The following DSC1 variants were observed in gnomAD, a reference collection of about 807,000 sequenced individuals.
DSC1 encodes the protein desmocollin 1, also known as desmocollin-1.
A neutral mutation model predicts 98.8 loss-of-function variants in DSC1; 79 were observed. The ratio of observed to expected loss-of-function variants is 0.80; its 90% CI spans 0.67 to 0.96. The LOEUF (loss-of-function observed/expected upper bound fraction) is 0.96, where lower values mean the gene tolerates loss of function less well. Among genes scored for constraint, DSC1 ranks in the 50% least tolerant of loss-of-function variants. The probability of loss-of-function intolerance (pLI) is 0.00; values close to 1 mark genes in which losing one functional copy is unlikely to be tolerated. For missense variants in DSC1, 1,115 were observed against 1,075.9 expected (o/e 1.04, Z -0.51); for synonymous variants, 405 against 372.1 (o/e 1.09, Z -1.02).
intron 8 of DSC1, 94 bp from the exon 9 acceptor site, chr18:31,142,278 G>A (rs1988754811): frequency 7.3e-7 from 1 of 1,374,706 alleles, no homozygotes; most frequent in Non-Finnish European, 9.8e-7. Flanking sequence ...AATAAATAAA[G>A]TGATGTGAAA....
At chr18:31,151,989 C>T (rs1157409500) in intron 5 of DSC1, among the ~76,000 whole-genome samples, 1 of 152,070 alleles carries the variant, frequency 6.6e-6, no homozygotes, top group Non-Finnish European at 1.5e-5. Flanking sequence ...TGGTGGAACC[C>T]TGTCTCTACG....
Position 31,151,228 on chromosome 18 carries a change from G to A in DSC1, c.628-2586C>T, listed in dbSNP as rs75956708. ...TTATTTCACATTCCGCTGACTCAGA[G>A]TTGGTGATTTTACTTCAGGTAGTAT... On this transcript the variant is annotated intron_variant, in intron 5 of 15. Coordinates refer to ENST00000257198, the MANE Select transcript of DSC1 (RefSeq NM_024421.2). Among the ~76,000 whole-genome samples the A allele has an allele frequency of 1.2e-4, 18 of 152,308 alleles. No individual in the cohort carries two copies. The East Asian group carries it at 3.5e-3, about 29-fold the overall frequency.
At chr18:31,134,525 C>T (rs375131780) in intron 12 of DSC1, 47 bp downstream of exon 12, 16 of 1,410,744 alleles carry the variant, frequency 1.1e-5, no homozygotes, top group Non-Finnish European at 1.6e-5. Flanking sequence ...AGAACCATCA[C>T]CAATCTGAAG....
intron 6 of DSC1, among the ~76,000 whole-genome samples, chr18:31,148,248 TAAAAGGGA>T (rs1368237629): frequency 1.3e-5 from 2 of 152,064 alleles, no homozygotes. Flanking sequence ...AATCATGATA[TAAAAGGGA>T]AAAATGTATA....
Position 31,140,302 on chromosome 18 carries a change from C to T in DSC1, c.1261-1G>A, listed in dbSNP as rs1464483138. ...GGCGATTGACTTCATAGTTCAATGG[C>T]TGTTAAATAAGCATACTTTAATAAG... On this transcript the variant is annotated splice_acceptor_variant, in intron 9 of 15. Transcript: ENST00000257198. LOFTEE classifies it high-confidence loss of function. The T allele has an allele frequency of 1.9e-6, 3 of 1,613,398 alleles. No homozygotes were observed.
At chr18:31,158,043 A>T (rs531403054) in intron 2 of DSC1, among the ~76,000 whole-genome samples, 1 of 152,108 alleles carries the variant, frequency 6.6e-6, no homozygotes, top group Non-Finnish European at 1.5e-5. Context: ...CCGAGGTGGG[A>T]GGATCACAAG....
intron 7 of DSC1, among the ~76,000 whole-genome samples, chr18:31,144,936 C>CTTTTTTTTTTTTTTT (rs200787420): frequency 1.0e-5 from 1 of 95,310 alleles, no homozygotes; most frequent in Non-Finnish European, 1.9e-5. Context: ...TTTTCTTTTT[C>CTTTTTTTTTTTTTTT]TTTCTTTTTT....
intron 6 of DSC1, among the ~76,000 whole-genome samples, 169 bp from the exon 7 acceptor site, chr18:31,145,946 C>G (rs1043723973): frequency 6.6e-6 from 1 of 152,184 alleles, no homozygotes; most frequent in Non-Finnish European, 1.5e-5. Flanking sequence ...CCAAGCCTCC[C>G]TTACTCGGGA....
Position 31,130,625 on chromosome 18 carries a change from C to T in DSC1, c.2574G>A (p.Leu858=). The T allele has an allele frequency of 6.2e-7, 1 of 1,614,152 alleles. No homozygotes were observed. The highest frequency in any genetic ancestry group is 8.5e-7 in the Non-Finnish European group (1 of 1,180,036). The change falls in exon 16 of 16, where the codon CTG becomes CTA. Residue 858 remains leucine (L), a synonymous_variant. Transcript: ENST00000257198. ...CSYNYEGKGS[L]AGSVGCCSDR... The stretch of plus-strand genomic sequence containing the variant: ...CGCTGCAGCAACCTACTGAGCCGGC[C>T]AGAGAACCTTTGCCTTCATAGTTAT...
chr18:31,157,696 G>A, intron 2 of DSC1, 123 bp from the exon 3 acceptor site: 1 of 940,570 alleles, frequency 1.1e-6, no homozygotes. Context: ...TTTGGAATGT[G>A]CTCAGCACCT....
At chr18:31,161,327 AGCATGACTGTATATGT>A (rs1055729949) in intron 1 of DSC1, among the ~76,000 whole-genome samples, 1 of 152,000 alleles carries the variant, frequency 6.6e-6, no homozygotes, top group Non-Finnish European at 1.5e-5. Flanking sequence ...TGTTTTGCAG[AGCATGACTGTATATGT>A]GCGTGTGTGT....
intron 7 of DSC1, among the ~76,000 whole-genome samples, chr18:31,144,707 G>A (rs1032798363): frequency 2.6e-5 from 4 of 152,138 alleles, no homozygotes; most frequent in African/African-American, 9.7e-5. Flanking sequence ...AATGATGAAT[G>A]TGTGTCTTTA....
At chr18:31,145,155 G>T (rs1004028412) in intron 7 of DSC1, among the ~76,000 whole-genome samples, 2 of 151,820 alleles carry the variant, frequency 1.3e-5, no homozygotes, top group Admixed American at 1.3e-4. Context: ...TGTTAGCCAG[G>T]ATGGTCTCCA....
At chr18:31,159,410 G>A in intron 2 of DSC1, 35 bp downstream of exon 2, 1 of 1,595,946 alleles carries the variant, frequency 6.3e-7, no homozygotes, top group Non-Finnish European at 8.6e-7. Flanking sequence ...AATGTGACAA[G>A]TTACAGCTAT....
intron 6 of DSC1, among the ~76,000 whole-genome samples, chr18:31,147,757 C>T (rs1988876451): frequency 6.6e-6 from 1 of 152,026 alleles, no homozygotes; most frequent in African/African-American, 2.4e-5. Context: ...TAAACTGGTA[C>T]TACACATACA....
rs770954271 is a variant in DSC1 at position 31,131,675 on chromosome 18, G to C, written c.2406C>G (p.Ser802=). The C allele has an allele frequency of 1.9e-6, 3 of 1,614,046 alleles. No individual in the cohort carries two copies. The East Asian group carries it at 6.7e-5, about 36-fold the overall frequency. ...TATCTCCCTGCCCCACTCCCTTGAC[G>C]GACTCCAAGGTCTGATGTCCACCTC... The part of the protein sequence containing the change: ...NKGGGHQTLE[S]VKGVGQGDTG... The change falls in exon 15 of 16, where the codon TCC becomes TCG. Residue 802 remains serine (S), a synonymous_variant. Transcript: ENST00000257198.
At chr18:31,161,038 A>G (rs1368877293) in intron 1 of DSC1, among the ~76,000 whole-genome samples, 1 of 152,116 alleles carries the variant, frequency 6.6e-6, no homozygotes, top group South Asian at 2.1e-4. Flanking sequence ...CATGGTATAC[A>G]CCATGATTTA....
At chr18:31,141,360 T>TA (rs1182849363) in intron 9 of DSC1, among the ~76,000 whole-genome samples, 1 of 152,146 alleles carries the variant, frequency 6.6e-6, no homozygotes, top group Non-Finnish European at 1.5e-5. Context: ...TCTGAGGACT[T>TA]AAACTGTCTC....
At chr18:31,138,870 T>C (rs889307768) in intron 11 of DSC1, among the ~76,000 whole-genome samples, 4 of 152,052 alleles carry the variant, frequency 2.6e-5, no homozygotes, top group African/African-American at 9.7e-5. Context: ...TAGGCTATGT[T>C]ATAAAAGCCC....
Sources: allele counts gnomAD v4.1 joint callset (sites outside exome capture counted in the v4.1 genomes callset), GRCh38; gene constraint gnomAD v4.1.1; transcripts MANE v1.5; gene names NCBI Gene and HGNC (gene_info 2026-07-23, HGNC 2026-07-21).